MGAT4C: variants seen among roughly 807,000 people sequenced by gnomAD.
MGAT4C encodes alpha-1,3-mannosyl-glycoprotein 4-beta-N-acetylglucosaminyltransferase C.
In MGAT4C, 19 loss-of-function variants were observed where a neutral mutation model predicts 40.1. That is an observed-to-expected ratio of 0.47 (90% CI 0.33 to 0.70). The LOEUF (loss-of-function observed/expected upper bound fraction) is 0.70, where lower values mean the gene tolerates loss of function less well. Ranked by LOEUF, MGAT4C falls within the 30% of genes least tolerant of loss-of-function variation. The pLI is 0.02. For synonymous variants in MGAT4C, 181 were observed against 187.1 expected, an observed-to-expected ratio of 0.97 and a Z score of 0.27; for missense variants, 491 against 563.2, an observed-to-expected ratio of 0.87 and a Z score of 1.30.
At chr12:86,708,252 A>T (rs547454200) in intron 2 of MGAT4C, among the ~76,000 whole-genome samples, 14 of 152,368 alleles carry the variant, frequency 9.2e-5, no homozygotes, top group Admixed American at 3.9e-4. Context: ...CCACGGCTTC[A>T]GAGAGTGCAA....
At chr12:86,421,114 A>G (rs1956818738) in intron 3 of MGAT4C, among the ~76,000 whole-genome samples, 1 of 152,068 alleles carries the variant, frequency 6.6e-6, no homozygotes, top group South Asian at 2.1e-4. Context: ...AGTAGAATAT[A>G]CACCTTTAAA....
intron 4 of MGAT4C, among the ~76,000 whole-genome samples, chr12:86,314,497 C>A (rs1954153844): frequency 6.6e-6 from 1 of 152,166 alleles, no homozygotes; most frequent in Non-Finnish European, 1.5e-5. Context: ...GAAAAGAAGT[C>A]AAACTATCTC....
chr12:86,810,501 T>C (rs1475761501), intron 1 of MGAT4C, among the ~76,000 whole-genome samples: 1 of 151,964 alleles, frequency 6.6e-6, no homozygotes, highest in Admixed American at 6.6e-5. Flanking sequence ...GTTGAGGTAA[T>C]TCCCTTGTAT....
intron 1 of MGAT4C, among the ~76,000 whole-genome samples, chr12:86,796,325 G>A (rs1952118359): frequency 1.3e-5 from 2 of 151,932 alleles, no homozygotes; most frequent in Non-Finnish European, 1.5e-5. Context: ...TGTGCTAGAT[G>A]TACAGTGGGA....
At chr12:86,705,993 G>A (rs890791263) in intron 2 of MGAT4C, among the ~76,000 whole-genome samples, 1 of 152,140 alleles carries the variant, frequency 6.6e-6, no homozygotes, top group African/African-American at 2.4e-5. Flanking sequence ...GTAGAGGCAA[G>A]AGTCATTCAA....
At chr12:86,820,220 C>A (rs1952681754) in intron 1 of MGAT4C, among the ~76,000 whole-genome samples, 1 of 150,620 alleles carries the variant, frequency 6.6e-6, no homozygotes, top group African/African-American at 2.4e-5. Flanking sequence ...CAATTTTCTA[C>A]TTTTATAACA....
At chr12:86,625,082 G>A (rs1962760259) in intron 2 of MGAT4C, among the ~76,000 whole-genome samples, 1 of 151,742 alleles carries the variant, frequency 6.6e-6, no homozygotes, top group African/African-American at 2.4e-5. Flanking sequence ...CTTCAAAAGG[G>A]GCCCTTTATA....
chr12:86,451,542 T>G (rs1284757666), intron 2 of MGAT4C, among the ~76,000 whole-genome samples: 1 of 152,184 alleles, frequency 6.6e-6, no homozygotes, highest in Non-Finnish European at 1.5e-5. Context: ...AGATTTTCTT[T>G]GTACTTGGGA....
intron 1 of MGAT4C, among the ~76,000 whole-genome samples, chr12:86,182,783 A>C (rs1888270231): frequency 6.6e-6 from 1 of 152,156 alleles, no homozygotes; most frequent in East Asian, 1.9e-4. Context: ...ATGAAGAAGG[A>C]AGTTAGTATG....
At chr12:86,075,611 G>T (rs1418651058) in intron 1 of MGAT4C, among the ~76,000 whole-genome samples, 2 of 152,168 alleles carry the variant, frequency 1.3e-5, no homozygotes, top group East Asian at 1.9e-4. Context: ...CTCCATGAGG[G>T]CCCCACCCCT....
In MGAT4C at chr12:86,191,923, G is replaced by C. The variant is rs372294344; in HGVS notation, c.-57+64316C>G. Among the ~76,000 whole-genome samples the C allele has an allele frequency of 8.0e-5, 12 of 150,424 alleles. No homozygotes were observed. In the South Asian group the frequency reaches 8.6e-4, roughly 11 times the overall value. On this transcript the variant is annotated intron_variant, in intron 1 of 4. Coordinates refer to ENST00000611864, the MANE Select transcript of MGAT4C (RefSeq NM_001351288.2). The stretch of plus-strand genomic sequence containing the variant: ...CCAATACTATGCAGCCATAAAAAAG[G>C]GTGAGTTCATGTCTTTTGTAGGGAC...
At chr12:86,591,598 A>C (rs1355357082) in intron 2 of MGAT4C, among the ~76,000 whole-genome samples, 1 of 151,840 alleles carries the variant, frequency 6.6e-6, no homozygotes, top group Non-Finnish European at 1.5e-5. Context: ...ATACTTAAGA[A>C]CTCATTATGT....
intron 2 of MGAT4C, among the ~76,000 whole-genome samples, chr12:86,505,224 C>A (rs1266788842): frequency 1.3e-5 from 2 of 152,012 alleles, no homozygotes; most frequent in African/African-American, 2.4e-5. Context: ...AAAATCCTGG[C>A]TAGATATTTG....
chr12:86,113,474 C>T (rs1877811607), intron 1 of MGAT4C, among the ~76,000 whole-genome samples: 1 of 151,494 alleles, frequency 6.6e-6, no homozygotes, highest in East Asian at 1.9e-4. Flanking sequence ...AGGATGGAAA[C>T]TCTTTAGGTA....
rs1388846947 is a variant in MGAT4C at position 86,427,531 on chromosome 12, C to T, written c.-120+7626G>A. ...TTACACACACACAGACACACTCTAGCACACACATGCACATGTGCACACACC... is the reference window on the plus strand; with the variant it reads ...TTACACACACACAGACACACTCTAGTACACACATGCACATGTGCACACACC... On this transcript the variant is annotated intron_variant, in intron 3 of 7. Coordinates refer to the MGAT4C transcript ENST00000548651. 5.3e-5 allele frequency among the ~76,000 whole-genome samples: 8 copies of T among 152,054 alleles called. No homozygotes were observed. The East Asian group carries it at 1.5e-3, about 29-fold the overall frequency.
In MGAT4C at chr12:85,970,878, A is replaced by G. The variant is rs1202234793; in HGVS notation, c.*8411T>C. On this transcript the variant is annotated 3_prime_UTR_variant, in exon 5 of 5. Coordinates refer to ENST00000611864, the MANE Select transcript of MGAT4C (RefSeq NM_001351288.2). Reference sequence around the variant, plus strand: ...GTATTTTCCTACCTACATAATGTCAATCTCTATTGCTCCTAACACATGAGT... The same window carrying G: ...GTATTTTCCTACCTACATAATGTCAGTCTCTATTGCTCCTAACACATGAGT... The G allele has an allele frequency of 6.6e-6, 1 of 151,338 alleles. No individual in the cohort carries two copies. Among genetic ancestry groups the G allele is most frequent in the African/African-American group, 2.4e-5 (1 of 41,380 alleles). The allele number at this position is 151,338 out of a possible 1,614,324, so 9.4% of individuals were successfully genotyped here.
At chr12:86,695,063 C>T (rs1234121600) in intron 2 of MGAT4C, among the ~76,000 whole-genome samples, 1 of 152,136 alleles carries the variant, frequency 6.6e-6, no homozygotes, top group Admixed American at 6.6e-5. Context: ...GCTCAAGCAA[C>T]TCTACAGGAA....
At chr12:86,546,724 T>C (rs975408600) in intron 2 of MGAT4C, among the ~76,000 whole-genome samples, 2 of 152,056 alleles carry the variant, frequency 1.3e-5, no homozygotes, top group Admixed American at 6.6e-5. Flanking sequence ...TGGACACAAA[T>C]AGAAATACAT....
chr12:85,992,875 C>A (rs1383734578), intron 2 of MGAT4C, among the ~76,000 whole-genome samples: 1 of 152,160 alleles, frequency 6.6e-6, no homozygotes, highest in Non-Finnish European at 1.5e-5. Flanking sequence ...TCCTAGATGG[C>A]CATCTCAGGA....
Sources: gnomAD v4.1 joint callset for allele counts (sites outside exome capture counted in the v4.1 genomes callset) on GRCh38, gnomAD v4.1.1 for gene constraint, MANE v1.5 for transcripts, NCBI Gene and HGNC (gene_info 2026-07-23, HGNC 2026-07-21) for gene names.